The following DCDC1 variants were observed in gnomAD, a reference collection of about 807,000 sequenced individuals.
DCDC1 encodes doublecortin domain-containing protein 1.
In DCDC1, 200 loss-of-function variants were observed where a neutral mutation model predicts 178.3. The observed-to-expected ratio is 1.12, with a 90% CI of 1.00 to 1.26. DCDC1 has a LOEUF of 1.26. Ranked by LOEUF, DCDC1 falls within the 50% of genes most tolerant of loss-of-function variation. The pLI is 0.00. For synonymous variants in DCDC1, 690 were observed against 604.8 expected, an observed-to-expected ratio of 1.14 and a Z score of -2.07; for missense variants, 1,983 against 1,749.2, an observed-to-expected ratio of 1.13 and a Z score of -2.38.
intron 20 of DCDC1, among the ~76,000 whole-genome samples, chr11:31,008,342 A>G (rs969409357): frequency 3.9e-5 from 6 of 152,276 alleles, no homozygotes; most frequent in Admixed American, 2.6e-4. Flanking sequence ...GGGCTGACAC[A>G]AAGAAACAGA....
intron 22 of DCDC1, among the ~76,000 whole-genome samples, chr11:30,931,495 T>C (rs1029852046): frequency 1.6e-4 from 24 of 152,110 alleles, no homozygotes. Flanking sequence ...CTAATCCAAA[T>C]ATACACTGAT....
At chr11:30,880,593 T>G (rs1049980372) in intron 37 of DCDC1, among the ~76,000 whole-genome samples, 3 of 152,154 alleles carry the variant, frequency 2.0e-5, no homozygotes, top group Non-Finnish European at 4.4e-5. Flanking sequence ...ATTATATCTT[T>G]GCTAATATAT....
intron 8 of DCDC1, among the ~76,000 whole-genome samples, chr11:31,257,633 A>C (rs1284970170): frequency 6.6e-6 from 1 of 151,912 alleles, no homozygotes; most frequent in Admixed American, 6.6e-5. Context: ...AGGAGATCAG[A>C]AATTTCCCTA....
chr11:31,194,624 T>C (rs1970474341), intron 9 of DCDC1, among the ~76,000 whole-genome samples: 1 of 152,132 alleles, frequency 6.6e-6, no homozygotes, highest in African/African-American at 2.4e-5. Context: ...GCCATCATTT[T>C]AATGGCTCCA....
At position 31,127,462 on chromosome 11, in the gene DCDC1, C is replaced by T. The variant is rs1255187266; in HGVS notation, c.1485+7G>A. The T allele has an allele frequency of 8.6e-6, 6 of 701,702 alleles. No homozygotes were observed. The highest frequency in any genetic ancestry group is 8.0e-5 in the Admixed American group (4 of 49,936). The allele number at this position is 701,702 out of a possible 1,614,324, so 43.5% of individuals were successfully genotyped here. Reference sequence around the variant, plus strand: ...GAATCCAATGAGAGGCACAGAACGACACCCACCTTAAGCTGCAGGCCTCCT... The same window carrying T: ...GAATCCAATGAGAGGCACAGAACGATACCCACCTTAAGCTGCAGGCCTCCT... On this transcript the variant is annotated splice_region_variant and intron_variant, in intron 11 of 38. Transcript: ENST00000684477.
chr11:31,165,827 G>C (rs560299226), intron 9 of DCDC1, among the ~76,000 whole-genome samples: 1 of 152,242 alleles, frequency 6.6e-6, no homozygotes, highest in East Asian at 1.9e-4. Context: ...TTTGGGTTCT[G>C]CATGTAAAAA....
intron 1 of DCDC1, among the ~76,000 whole-genome samples, chr11:31,356,813 ACG>A (rs1951397431): frequency 1.3e-5 from 2 of 151,102 alleles, no homozygotes; most frequent in South Asian, 4.2e-4. Flanking sequence ...AAACACCTCT[ACG>A]CAAATAAACT....
At chr11:30,989,614 C>T (rs550256953) in intron 20 of DCDC1, among the ~76,000 whole-genome samples, 4 of 152,064 alleles carry the variant, frequency 2.6e-5, no homozygotes, top group Non-Finnish European at 5.9e-5. Flanking sequence ...CATTAGAAAC[C>T]AGCATATTTG....
intron 20 of DCDC1, among the ~76,000 whole-genome samples, chr11:30,996,839 T>C (rs551411719): frequency 8.5e-4 from 130 of 152,348 alleles, no homozygotes; most frequent in Non-Finnish European, 1.6e-3. Flanking sequence ...ATCACACTGC[T>C]AGGTATTTTC....
intron 29 of DCDC1, among the ~76,000 whole-genome samples, chr11:30,908,009 GA>G (rs1056530680): frequency 2.0e-5 from 3 of 152,012 alleles, no homozygotes; most frequent in African/African-American, 2.4e-5. Context: ...ATCAATGTAG[GA>G]AAAAATGATA....
rs536520128 is a variant in DCDC1, at chr11:30,953,106, T to G, written c.2592-538A>C. On this transcript the variant is annotated intron_variant, in intron 20 of 38. Transcript: ENST00000684477. ...TTCTCAACAATTCATGGAATATTTG[T>G]AATATTTGCCACATATACACAAAGT... is the stretch of plus-strand genomic sequence containing the variant. Among the ~76,000 whole-genome samples the G allele has an allele frequency of 9.2e-5, 14 of 151,860 alleles. 1 individual carries two copies. The East Asian group carries it at 2.7e-3, about 29-fold the overall frequency.
At chr11:31,108,000 AT>A (rs1406828597) in intron 12 of DCDC1, among the ~76,000 whole-genome samples, 1 of 152,098 alleles carries the variant, frequency 6.6e-6, no homozygotes, top group Admixed American at 6.6e-5. Context: ...CATTGAGGGT[AT>A]ATTGAGAAGT....
chr11:30,960,996 T>C (rs1327572305), intron 20 of DCDC1, among the ~76,000 whole-genome samples: 1 of 152,148 alleles, frequency 6.6e-6, no homozygotes, highest in South Asian at 2.1e-4. Flanking sequence ...CTCTGTTCAA[T>C]ATTTGATTGA....
At chr11:31,280,585 G>C (rs2137273827) in intron 7 of DCDC1, 1 of 319,358 alleles carries the variant, frequency 3.1e-6, no homozygotes, top group South Asian at 3.6e-5. Flanking sequence ...GAATTCTGGT[G>C]TATGAAATCT....
At chr11:31,223,422 T>C (rs1056595880) in intron 9 of DCDC1, among the ~76,000 whole-genome samples, 14 of 152,200 alleles carry the variant, frequency 9.2e-5, no homozygotes, top group African/African-American at 2.4e-5. Context: ...ACAATAGCCA[T>C]ATAATGTAAA....
intron 9 of DCDC1, among the ~76,000 whole-genome samples, chr11:31,186,306 C>G (rs1242559360): frequency 6.6e-6 from 1 of 152,194 alleles, no homozygotes; most frequent in African/African-American, 2.4e-5. Context: ...TTTGCACTAG[C>G]TGTTCCTTAT....
chr11:31,090,545 GCTTAGACA>G (rs1347073771), intron 17 of DCDC1, among the ~76,000 whole-genome samples: 3 of 152,136 alleles, frequency 2.0e-5, no homozygotes, highest in Non-Finnish European at 4.4e-5. Flanking sequence ...ATAGTATCTG[GCTTAGACA>G]CTTTGTTGTT....
At chr11:31,326,664 G>A (rs1001760445) in intron 3 of DCDC1, among the ~76,000 whole-genome samples, 1 of 152,070 alleles carries the variant, frequency 6.6e-6, no homozygotes, top group East Asian at 1.9e-4. Context: ...TGCACTTATA[G>A]CTGAGAGGAA....
intron 38 of DCDC1, among the ~76,000 whole-genome samples, chr11:30,875,408 T>C (rs1942026019): frequency 6.6e-6 from 1 of 152,176 alleles, no homozygotes; most frequent in Non-Finnish European, 1.5e-5. Context: ...GAGTCACCAC[T>C]GAGTCTAAAT....
Sources: gnomAD v4.1 joint callset for allele counts (sites outside exome capture counted in the v4.1 genomes callset) on GRCh38, gnomAD v4.1.1 for gene constraint, MANE v1.5 for transcripts, NCBI Gene and HGNC (gene_info 2026-07-23, HGNC 2026-07-21) for gene names.